KHDRBS2: variants seen among roughly 807,000 people sequenced by gnomAD.
KHDRBS2 encodes KH RNA binding domain containing, signal transduction associated 2.
In KHDRBS2, 26 loss-of-function variants were observed where a neutral mutation model predicts 44.3. The ratio of observed to expected loss-of-function variants is 0.59; its 90% CI spans 0.43 to 0.81. KHDRBS2 has a LOEUF of 0.81. KHDRBS2 is among the 40% of genes least tolerant of loss of function. The pLI, the probability that KHDRBS2 is intolerant of heterozygous loss-of-function variation, is 0.00. For synonymous variants in KHDRBS2, 194 were observed against 151.1 expected, an observed-to-expected ratio of 1.28 and a Z score of -2.08; for missense variants, 476 against 433.1, an observed-to-expected ratio of 1.10 and a Z score of -0.88.
chr6:61,766,865 G>A (rs921985103), intron 6 of KHDRBS2, among the ~76,000 whole-genome samples: 42 of 152,116 alleles, frequency 2.8e-4, no homozygotes, highest in African/African-American at 1.0e-3. Flanking sequence ...TTTAAAACTT[G>A]TTTTGTGTCC....
chr6:61,557,330 T>C, the KHDRBS2 span, among the ~76,000 whole-genome samples: 6 of 152,080 alleles, frequency 3.9e-5, no homozygotes, highest in Non-Finnish European at 8.8e-5. Flanking sequence ...TTCTAGTAAA[T>C]AAAAACAATA....
chr6:62,035,950 A>T (rs1030323268), intron 3 of KHDRBS2, among the ~76,000 whole-genome samples: 1 of 152,020 alleles, frequency 6.6e-6, no homozygotes, highest in Non-Finnish European at 1.5e-5. Context: ...TGTGCAGTTA[A>T]ATATACTTTG....
intron 6 of KHDRBS2, among the ~76,000 whole-genome samples, chr6:61,888,739 T>A (rs935494102): frequency 3.3e-5 from 5 of 151,872 alleles, no homozygotes. Flanking sequence ...CTTTTCGCAT[T>A]TTTAGTAGAG....
At chr6:61,725,012 T>G (rs1443010529) in intron 7 of KHDRBS2, among the ~76,000 whole-genome samples, 1 of 152,136 alleles carries the variant, frequency 6.6e-6, no homozygotes, top group African/African-American at 2.4e-5. Flanking sequence ...ATATACATTC[T>G]TCTCATCATG....
the KHDRBS2 span, among the ~76,000 whole-genome samples, chr6:61,595,813 T>C: frequency 6.6e-6 from 1 of 151,740 alleles, no homozygotes; most frequent in East Asian, 1.9e-4. Flanking sequence ...AATGTTTTAG[T>C]ATTTAACTTA....
intron 2 of KHDRBS2, among the ~76,000 whole-genome samples, chr6:62,128,372 T>C (rs1197155419): frequency 2.6e-5 from 4 of 152,142 alleles, no homozygotes; most frequent in African/African-American, 4.8e-5. Context: ...TGAAAAGATC[T>C]TTGTGTTCCT....
Position 62,246,707 on chromosome 6 carries a change from A to G in KHDRBS2, c.91+39151T>C, listed in dbSNP as rs566344588. ...GAAGCTTTCAGGGAAATATATCTAT[A>G]CATATTTTAGTGATTTCTGATATTA... is the stretch of plus-strand genomic sequence containing the variant. On this transcript the variant is annotated intron_variant, in intron 1 of 8. Coordinates refer to ENST00000281156, the MANE Select transcript of KHDRBS2 (RefSeq NM_152688.4). Among the ~76,000 whole-genome samples the G allele has an allele frequency of 7.0e-4, 106 of 152,174 alleles. 2 individuals are homozygous for G. In the South Asian group the frequency reaches 0.021, roughly 31 times the overall value.
rs545971735 is a variant in KHDRBS2 at position 62,177,973 on chromosome 6, A to G, written c.92-661T>C. Among the ~76,000 whole-genome samples the G allele has an allele frequency of 2.0e-5, 3 of 151,604 alleles. No homozygotes were observed. The South Asian group carries it at 6.2e-4, about 31-fold the overall frequency. On this transcript the variant is annotated intron_variant, in intron 1 of 8. Coordinates refer to ENST00000281156, the MANE Select transcript of KHDRBS2 (RefSeq NM_152688.4). ...CACTCCTTCATTTTTGAATCAATTT[A>G]TTCCATAAAAAATATTAAATCTCTA...
rs533256572 is a variant in KHDRBS2 at position 61,734,872 on chromosome 6, G to T, written c.811-2108C>A. Among the ~76,000 whole-genome samples the T allele has an allele frequency of 2.4e-4, 37 of 152,096 alleles. 1 individual carries two copies. Among genetic ancestry groups the T allele is most frequent in the Non-Finnish European group, 4.7e-4 (32 of 67,994 alleles). Reference sequence around the variant, plus strand: ...CCATAATGTTTTTATGTGTAACATGGAGACTATCACCTGAAGAACTGTGTC... The same window carrying T: ...CCATAATGTTTTTATGTGTAACATGTAGACTATCACCTGAAGAACTGTGTC... On this transcript the variant is annotated intron_variant, in intron 6 of 8. Transcript: ENST00000281156.
chr6:62,147,758 T>C (rs1260554231), intron 2 of KHDRBS2, among the ~76,000 whole-genome samples: 1 of 152,036 alleles, frequency 6.6e-6, no homozygotes, highest in African/African-American at 2.4e-5. Context: ...TGTATGTATG[T>C]GATAATAGTG....
intron 1 of KHDRBS2, among the ~76,000 whole-genome samples, chr6:62,206,458 A>C (rs781165036): frequency 4.6e-5 from 7 of 152,084 alleles, no homozygotes; most frequent in Non-Finnish European, 8.8e-5. Context: ...GTGTTTAGAA[A>C]ATTCTAAACA....
chr6:62,015,071 T>C (rs1002632163), intron 3 of KHDRBS2, among the ~76,000 whole-genome samples: 25 of 152,164 alleles, frequency 1.6e-4, no homozygotes, highest in African/African-American at 5.8e-4. Context: ...GCTGGTTGTC[T>C]GAATGTTAAT....
intron 2 of KHDRBS2, among the ~76,000 whole-genome samples, chr6:62,153,426 T>C (rs1256423000): frequency 6.6e-6 from 1 of 152,208 alleles, no homozygotes; most frequent in African/African-American, 2.4e-5. Flanking sequence ...TCTTTTTGCA[T>C]TGTACTGCGA....
At chr6:61,675,325 C>G (rs1363388796), downstream of KHDRBS2, among the ~76,000 whole-genome samples, 1 of 151,694 alleles carries the variant, frequency 6.6e-6, no homozygotes, top group Non-Finnish European at 1.5e-5. Context: ...TTTCATATGT[C>G]ATTTTGTGAC....
chr6:61,687,414 C>T (rs1202742403), intron 8 of KHDRBS2, among the ~76,000 whole-genome samples: 2 of 151,822 alleles, frequency 1.3e-5, no homozygotes, highest in East Asian at 3.9e-4. Context: ...AAAATCTTAC[C>T]ATGCACATGG....
intron 2 of KHDRBS2, among the ~76,000 whole-genome samples, chr6:62,163,553 C>T (rs1376656300): frequency 1.3e-5 from 2 of 151,990 alleles, no homozygotes; most frequent in Non-Finnish European, 1.5e-5. Flanking sequence ...TTTATTTCTG[C>T]CTCACTTAGC....
At chr6:61,783,506 A>T (rs193121450) in intron 6 of KHDRBS2, among the ~76,000 whole-genome samples, 70 of 152,276 alleles carry the variant, frequency 4.6e-4, no homozygotes, top group African/African-American at 1.4e-3. Flanking sequence ...AAGAAAATAC[A>T]TAAAAGCAAA....
intron 6 of KHDRBS2, among the ~76,000 whole-genome samples, chr6:61,787,514 C>T (rs1339420168): frequency 6.6e-6 from 1 of 151,722 alleles, no homozygotes; most frequent in African/African-American, 2.4e-5. Flanking sequence ...GATTACTCAG[C>T]CTTACCTATG....
chr6:61,559,557 T>A, the KHDRBS2 span, among the ~76,000 whole-genome samples: 1 of 152,178 alleles, frequency 6.6e-6, no homozygotes, highest in East Asian at 1.9e-4. Context: ...TTCTTGCTTG[T>A]TACTTCTTGT....
Sources: gnomAD v4.1 joint callset for allele counts (sites outside exome capture counted in the v4.1 genomes callset) on GRCh38, gnomAD v4.1.1 for gene constraint, MANE v1.5 for transcripts, NCBI Gene and HGNC (gene_info 2026-07-23, HGNC 2026-07-21) for gene names.